Variants in NPAS3 observed in about 807,000 individuals in gnomAD.
The protein encoded by NPAS3 is neuronal PAS domain protein 3.
A neutral mutation model predicts 73.1 loss-of-function variants in NPAS3; 14 were observed. That is an observed-to-expected ratio of 0.19 (90% CI 0.13 to 0.30). NPAS3 has a LOEUF of 0.30. Ranked by LOEUF, NPAS3 falls within the 10% of genes least tolerant of loss-of-function variation. The pLI is 1.00. For missense variants in NPAS3, 1,096 were observed against 1,250.0 expected (o/e 0.88, Z 1.86); for synonymous variants, 620 against 541.5 (o/e 1.14, Z -2.01).
chr14:33,380,793 T>G (rs562118314), intron 4 of NPAS3, among the ~76,000 whole-genome samples: 3 of 152,112 alleles, frequency 2.0e-5, no homozygotes, highest in Admixed American at 2.0e-4. Flanking sequence ...GCTGGGTAAC[T>G]GCTACAGGAA....
intron 3 of NPAS3, among the ~76,000 whole-genome samples, chr14:33,270,497 A>T (rs243307): frequency 0.94 from 142,787 of 152,118 alleles, 67,182 homozygotes; most frequent in South Asian, 0.98. Flanking sequence ...GAGAGGGAGA[A>T]GGAGGGAGAG....
intron 4 of NPAS3, among the ~76,000 whole-genome samples, chr14:33,402,419 T>A (rs553216862): frequency 6.6e-6 from 1 of 152,128 alleles, no homozygotes; most frequent in African/African-American, 2.4e-5. Flanking sequence ...AGCCCTCCTT[T>A]CAGGAGGTGC....
downstream of NPAS3, chr14:33,802,371 T>A (rs2063732574): frequency 1.5e-5 from 1 of 66,078 alleles, no homozygotes. Flanking sequence ...AAACTGCACA[T>A]TAAGTAAAAA....
chr14:33,440,469 T>C (rs2049196823), intron 4 of NPAS3, among the ~76,000 whole-genome samples: 1 of 152,212 alleles, frequency 6.6e-6, no homozygotes, highest in African/African-American at 2.4e-5. Context: ...TGATTCAGGG[T>C]AATGCCAAAT....
chr14:33,542,543 T>C (rs1285824271), intron 4 of NPAS3, among the ~76,000 whole-genome samples: 1 of 152,196 alleles, frequency 6.6e-6, no homozygotes, highest in African/African-American at 2.4e-5. Context: ...TCATTTTTTT[T>C]CAGTTCCCTT....
At chr14:33,272,967 C>T (rs954724232) in intron 3 of NPAS3, among the ~76,000 whole-genome samples, 2 of 152,188 alleles carry the variant, frequency 1.3e-5, no homozygotes, top group Non-Finnish European at 2.9e-5. Context: ...CCCAGCATTT[C>T]CAATTTACTT....
chr14:33,799,786 C>A (rs142552405), exon 12 of NPAS3: 1 of 1,608,554 alleles, frequency 6.2e-7, no homozygotes, highest in South Asian at 1.1e-5. Context: ...CCGAGAACAG[C>A]GAAGACCCGG....
rs570877320 is a variant in NPAS3, at chr14:33,064,477, T to C, written c.140+8483T>C. Among the ~76,000 whole-genome samples the C allele has an allele frequency of 3.9e-5, 6 of 152,318 alleles. No homozygotes were observed. The South Asian group carries it at 1.0e-3, about 26-fold the overall frequency. ...TAAATGGCCTTGGATTTGTGTTACC[T>C]TGGAGCTCACAGAGCAGGCTTTGGT... On this transcript the variant is annotated intron_variant, in intron 2 of 11. Transcript: ENST00000356141.
In NPAS3 at chr14:33,308,527, T is replaced by TATATATACACAC; in HGVS notation, c.386-58658_386-58657insTATATACACACA. On this transcript the variant is annotated intron_variant, in intron 3 of 11. Transcript: ENST00000356141. ...TGCATAGTTTATATATATATATATATACATACACACACACACACACACACA... is the reference window on the plus strand; with the variant it reads ...TGCATAGTTTATATATATATATATATATATATACACACACATACACACACACACACACACACA... Among the ~76,000 whole-genome samples, 7 of 103,724 alleles carry TATATATACACAC rather than the reference T, an allele frequency of 6.7e-5. 1 individual carries two copies. Among genetic ancestry groups the TATATATACACAC allele is most frequent in the African/African-American group, 2.3e-4 (5 of 21,574 alleles). The allele number at this position is 103,724 out of a possible 152,430, so 68.0% of individuals were successfully genotyped here. A position where few individuals can be genotyped will look rare whatever the true frequency, so the allele number is the denominator to read the frequency against.
intron 2 of NPAS3, among the ~76,000 whole-genome samples, chr14:33,080,370 T>C (rs1463653542): frequency 6.6e-6 from 1 of 152,182 alleles, no homozygotes; most frequent in Non-Finnish European, 1.5e-5. Flanking sequence ...CCTCCCAAAG[T>C]GCTGGGATTA....
intron 4 of NPAS3, among the ~76,000 whole-genome samples, chr14:33,417,636 T>C (rs990764787): frequency 6.6e-6 from 1 of 152,002 alleles, no homozygotes; most frequent in African/African-American, 2.4e-5. Context: ...ATATTAGACA[T>C]TACCTCTCTG....
intron 3 of NPAS3, among the ~76,000 whole-genome samples, chr14:33,293,586 G>A (rs1409159685): frequency 1.3e-5 from 2 of 152,108 alleles, no homozygotes; most frequent in East Asian, 3.9e-4. Context: ...ATAATATGGT[G>A]GAAAGCCTAA....
intron 1 of NPAS3, among the ~76,000 whole-genome samples, chr14:33,038,959 G>A (rs1353129152): frequency 6.6e-6 from 1 of 152,180 alleles, no homozygotes; most frequent in Non-Finnish European, 1.5e-5. Context: ...TATTGAGTAT[G>A]AGTGGCTTTT....
chr14:33,029,572 T>A (rs1366746784), intron 1 of NPAS3, among the ~76,000 whole-genome samples: 1 of 152,154 alleles, frequency 6.6e-6, no homozygotes, highest in Admixed American at 6.5e-5. Flanking sequence ...TCACACTCTA[T>A]AAAATATGAG....
intron 6 of NPAS3, among the ~76,000 whole-genome samples, chr14:33,730,782 T>C (rs940703250): frequency 3.3e-5 from 5 of 152,246 alleles, no homozygotes; most frequent in Non-Finnish European, 4.4e-5. Flanking sequence ...TGACAGCATA[T>C]GCCAGTGGAA....
chr14:33,745,836 T>G (rs991092385), intron 7 of NPAS3, among the ~76,000 whole-genome samples: 2 of 152,258 alleles, frequency 1.3e-5, no homozygotes, highest in Non-Finnish European at 2.9e-5. Context: ...AAAATATGAC[T>G]GAAATACGTC....
intron 5 of NPAS3, among the ~76,000 whole-genome samples, chr14:33,604,067 A>G (rs1488946367): frequency 6.6e-6 from 1 of 152,090 alleles, no homozygotes; most frequent in Non-Finnish European, 1.5e-5. Context: ...TAAAATAGTG[A>G]CATTGAGGAA....
intron 6 of NPAS3, among the ~76,000 whole-genome samples, chr14:33,707,704 G>A (rs538986655): frequency 6.6e-6 from 1 of 152,314 alleles, no homozygotes; most frequent in South Asian, 2.1e-4. Flanking sequence ...TGGAGGGCAG[G>A]AGAAGGAAGA....
chr14:33,046,739 G>A (rs141249272), intron 1 of NPAS3, among the ~76,000 whole-genome samples: 7,847 of 152,278 alleles, frequency 0.052, 239 homozygotes, highest in Non-Finnish European at 0.061. Context: ...ACTTTGAGAG[G>A]CCGAGGCAGG....
Sources: gnomAD v4.1 joint callset for allele counts (sites outside exome capture counted in the v4.1 genomes callset) on GRCh38, gnomAD v4.1.1 for gene constraint, MANE v1.5 for transcripts, NCBI Gene and HGNC (gene_info 2026-07-23, HGNC 2026-07-21) for gene names.